Variants in EPHA6 observed in about 807,000 individuals in gnomAD.
EPHA6 encodes the protein ephrin type-A receptor 6.
A neutral mutation model predicts 112.0 loss-of-function variants in EPHA6; 50 were observed. The ratio of observed to expected loss-of-function variants is 0.45; its 90% CI spans 0.36 to 0.56. The LOEUF (loss-of-function observed/expected upper bound fraction) is 0.56. Among genes scored for constraint, EPHA6 ranks in the 20% least tolerant of loss-of-function variants. The pLI, the probability that EPHA6 is intolerant of heterozygous loss-of-function variation, is 0.00. For synonymous variants in EPHA6, 529 were observed against 490.7 expected (o/e 1.08, Z -1.03); for missense variants, 1,280 against 1,417.4 (o/e 0.90, Z 1.56).
intron 3 of EPHA6, chr3:96,994,245 C>A: frequency 2.6e-6 from 1 of 384,886 alleles, no homozygotes; most frequent in Admixed American, 2.6e-5. Context: ...ACATAGTAAG[C>A]AGTATTTTAG....
At chr3:97,194,490 T>C (rs1216263895) in intron 3 of EPHA6, among the ~76,000 whole-genome samples, 2 of 152,060 alleles carry the variant, frequency 1.3e-5, no homozygotes, top group East Asian at 1.9e-4. Context: ...GCCTAACATA[T>C]GGTCTATCCT....
intron 11 of EPHA6, among the ~76,000 whole-genome samples, chr3:97,556,932 T>C (rs1042475604): frequency 6.6e-6 from 1 of 152,066 alleles, no homozygotes; most frequent in Admixed American, 6.6e-5. Flanking sequence ...CTGCTAAAAC[T>C]GTGTTATTTT....
intron 2 of EPHA6, among the ~76,000 whole-genome samples, chr3:96,890,434 C>A (rs2037887663): frequency 6.6e-6 from 1 of 151,926 alleles, no homozygotes; most frequent in Non-Finnish European, 1.5e-5. Context: ...CTTTAAAATG[C>A]ATTAAAACTT....
At chr3:97,482,605 G>A (rs1452524512) in intron 9 of EPHA6, among the ~76,000 whole-genome samples, 2 of 152,152 alleles carry the variant, frequency 1.3e-5, no homozygotes, top group Non-Finnish European at 2.9e-5. Context: ...GAAGGCAATG[G>A]GCATAGAAGG....
chr3:97,242,202 A>C (rs1259704981), intron 4 of EPHA6, among the ~76,000 whole-genome samples: 1 of 151,716 alleles, frequency 6.6e-6, no homozygotes, highest in Non-Finnish European at 1.5e-5. Flanking sequence ...ATAGAAAACT[A>C]TCCATACTCA....
intron 1 of EPHA6, among the ~76,000 whole-genome samples, chr3:96,855,230 T>A (rs192771408): frequency 5.3e-5 from 8 of 152,268 alleles, no homozygotes; most frequent in Admixed American, 4.6e-4. Context: ...TATCCCCCTA[T>A]TTTAAGGGCG....
At chr3:97,464,484 C>T (rs545722450) in intron 7 of EPHA6, among the ~76,000 whole-genome samples, 2 of 151,980 alleles carry the variant, frequency 1.3e-5, no homozygotes, top group East Asian at 3.9e-4. Flanking sequence ...GTTGAGAAGC[C>T]CAACCAGTAT....
intron 5 of EPHA6, among the ~76,000 whole-genome samples, chr3:97,402,682 T>C (rs1163393390): frequency 1.3e-5 from 2 of 152,156 alleles, no homozygotes; most frequent in Non-Finnish European, 2.9e-5. Flanking sequence ...TCATTTCTGT[T>C]TTAGCTCATA....
chr3:97,161,641 G>A (rs1192643771), intron 3 of EPHA6, among the ~76,000 whole-genome samples: 1 of 152,040 alleles, frequency 6.6e-6, no homozygotes, highest in African/African-American at 2.4e-5. Context: ...GGCAGGAGAG[G>A]TCAGATGCAA....
At chr3:97,226,708 T>C (rs944677700) in intron 4 of EPHA6, among the ~76,000 whole-genome samples, 1 of 152,228 alleles carries the variant, frequency 6.6e-6, no homozygotes, top group Admixed American at 6.5e-5. Context: ...CTTAGGAAAT[T>C]ATAGCAGTTG....
At chr3:96,827,381 A>G (rs1274375728) in intron 1 of EPHA6, among the ~76,000 whole-genome samples, 1 of 152,102 alleles carries the variant, frequency 6.6e-6, no homozygotes, top group Non-Finnish European at 1.5e-5. Context: ...ATTTTTATGG[A>G]ACAATGTGTA....
intron 7 of EPHA6, among the ~76,000 whole-genome samples, chr3:97,467,368 A>C (rs1467165160): frequency 6.6e-6 from 1 of 151,820 alleles, no homozygotes; most frequent in Non-Finnish European, 1.5e-5. Context: ...CAACTTATGA[A>C]ATTTGTGATC....
chr3:96,834,221 G>A (rs984673321), intron 1 of EPHA6, among the ~76,000 whole-genome samples: 1 of 151,878 alleles, frequency 6.6e-6, no homozygotes, highest in Non-Finnish European at 1.5e-5. Context: ...CAGACTTTGA[G>A]TACCAGTGCA....
chr3:97,481,578 GA>G (rs1668332162), intron 9 of EPHA6: 2 of 586,286 alleles, frequency 3.4e-6, no homozygotes, highest in Non-Finnish European at 6.4e-6. Flanking sequence ...GGCGCTGGGG[GA>G]CTGTTGGGTC....
chr3:96,945,511 C>A (rs888629657), intron 2 of EPHA6, among the ~76,000 whole-genome samples: 1 of 152,134 alleles, frequency 6.6e-6, no homozygotes, highest in South Asian at 2.1e-4. Flanking sequence ...ACTAACCCTA[C>A]AAAATAAAAT....
chr3:96,867,001 C>A, intron 2 of EPHA6, 112 bp downstream of exon 2: 1 of 511,134 alleles, frequency 2.0e-6, no homozygotes, highest in Non-Finnish European at 3.4e-6. Flanking sequence ...TGACATATAA[C>A]TTACATCCCA....
At chr3:97,569,836 T>C (rs1230180243) in intron 11 of EPHA6, 1 of 152,186 alleles carries the variant, frequency 6.6e-6, no homozygotes, top group Non-Finnish European at 1.5e-5. Flanking sequence ...TTGTTGAAAA[T>C]AACAAAGTGC....
chr3:97,694,881 T>C (rs1327916618), intron 14 of EPHA6, among the ~76,000 whole-genome samples: 1 of 152,242 alleles, frequency 6.6e-6, no homozygotes, highest in Non-Finnish European at 1.5e-5. Context: ...CTATTTGTAG[T>C]GCCTTTGACC....
intron 1 of EPHA6, among the ~76,000 whole-genome samples, chr3:96,824,481 A>G (rs2033511530): frequency 6.6e-6 from 1 of 151,840 alleles, no homozygotes; most frequent in Non-Finnish European, 1.5e-5. Context: ...TATATATAAT[A>G]TACATTTTTT....
Sources: allele counts gnomAD v4.1 joint callset (sites outside exome capture counted in the v4.1 genomes callset), GRCh38; gene constraint gnomAD v4.1.1; transcripts MANE v1.5; gene names NCBI Gene and HGNC (gene_info 2026-07-23, HGNC 2026-07-21).